The following DRD4 variants were observed in gnomAD, a reference collection of about 807,000 sequenced individuals.
DRD4 encodes the protein D(4) dopamine receptor.
DRD4 carries 26 observed loss-of-function variants against 22.1 expected under a neutral mutation model. That is an observed-to-expected ratio of 1.17 (90% CI 0.86 to 1.63). The LOEUF (loss-of-function observed/expected upper bound fraction) is 1.63. DRD4 is among the 40% of genes most tolerant of loss of function. The pLI is 0.00. For synonymous variants in DRD4, 455 were observed against 306.7 expected (o/e 1.48, Z -5.05); for missense variants, 913 against 632.4 (o/e 1.44, Z -4.76).
chr11:640,089 C>A lies in DRD4; in HGVS notation c.840C>A (p.Pro280=), dbSNP rs574074394. The A allele has an allele frequency of 9.0e-5, 99 of 1,104,038 alleles. 5 individuals are homozygous for A. Among genetic ancestry groups the A allele is most frequent in the East Asian group, 2.0e-4 (5 of 24,724 alleles). 68.4% of individuals were successfully genotyped at this position (1,104,038 alleles called of 1,614,324 possible). ...PRGPCGPDCA[P]AAPSLPQDPC... ...GTCCCTGCGGCCCCGACTGTGCGCCCGCCGCGCCCAGCCTCCCCCAGGACC... is the reference window on the plus strand; with the variant it reads ...GTCCCTGCGGCCCCGACTGTGCGCCAGCCGCGCCCAGCCTCCCCCAGGACC... Residue 280 remains proline (P), a synonymous_variant, in exon 3 of 4, where the codon CCC becomes CCA. Transcript: ENST00000176183.
intron 1 of DRD4, 169 bp from the exon 2 acceptor site, chr11:639,264 G>T: frequency 1.5e-6 from 1 of 649,710 alleles, no homozygotes; most frequent in African/African-American, 1.8e-5. Context: ...CAAAACAAAG[G>T]GAGATCTGCG....
intron 1 of DRD4, chr11:639,111 C>G: frequency 2.7e-6 from 1 of 371,698 alleles, no homozygotes; most frequent in Non-Finnish European, 5.1e-6. Context: ...ACAAATCAGC[C>G]GGGGGTGGTG....
intron 1 of DRD4, among the ~76,000 whole-genome samples, 157 bp downstream of exon 1, chr11:637,746 C>T (rs557356997): frequency 2.0e-5 from 3 of 152,240 alleles, no homozygotes; most frequent in Non-Finnish European, 2.9e-5. Context: ...GGCGATACAC[C>T]CACCGCCGCC....
chr11:640,044 CG>C lies in DRD4; in HGVS notation c.796del (p.Ala266ArgfsTer80). The C allele has an allele frequency of 5.0e-6, 6 of 1,189,416 alleles. No homozygotes were observed. The highest frequency in any genetic ancestry group is 3.9e-5 in the East Asian group (1 of 25,460). 73.7% of individuals were successfully genotyped at this position (1,189,416 alleles called of 1,614,324 possible). ...CCTGCGGCCCCGACTGTGCGCCCCC[CG>C]CGCCCGGCCTTCCCCGGGGTCCCTG... ...DPCGPDCAPP[A>X]PGLPRGPCGP... On this transcript the variant is annotated frameshift_variant, in exon 3 of 4. Coordinates refer to ENST00000176183, the MANE Select transcript of DRD4 (RefSeq NM_000797.4). LOFTEE classifies it high-confidence loss of function.
chr11:638,730 G>C (rs1332153334), intron 1 of DRD4, among the ~76,000 whole-genome samples: 1 of 152,104 alleles, frequency 6.6e-6, no homozygotes, highest in Non-Finnish European at 1.5e-5. Context: ...CTGGGGAGGG[G>C]CTCCCTTTGA....
At position 639,882 on chromosome 11, in the gene DRD4, C is replaced by T. The variant is rs1858169866; in HGVS notation, c.633C>T (p.Leu211=). Residue 211 remains leucine, a synonymous_variant, in exon 3 of 4, where the codon CTC becomes CTT. Transcript: ENST00000176183. ...FFLPCPLMLL[L]YWATFRGLQR... Reference sequence around the variant, plus strand: ...TACCCTGCCCGCTCATGCTGCTGCTCTACTGGGCCACGTTCCGCGGCCTGC... The same window carrying T: ...TACCCTGCCCGCTCATGCTGCTGCTTTACTGGGCCACGTTCCGCGGCCTGC... The T allele has an allele frequency of 1.9e-6, 3 of 1,581,924 alleles. No homozygotes were observed. The highest frequency in any genetic ancestry group is 1.4e-5 in the African/African-American group (1 of 73,168).
At chr11:639,398 T>A in intron 1 of DRD4, 35 bp from the exon 2 acceptor site, 1 of 1,553,972 alleles carries the variant, frequency 6.4e-7, no homozygotes. Flanking sequence ...CCGCGGTGGC[T>A]GGGAAACCTC....
At chr11:639,240 G>T in intron 1 of DRD4, 193 bp from the exon 2 acceptor site, 1 of 602,522 alleles carries the variant, frequency 1.7e-6, no homozygotes, top group Non-Finnish European at 3.0e-6. Context: ...CGGTGACACA[G>T]CGAGACCCTA....
intron 1 of DRD4, 60 bp from the exon 2 acceptor site, chr11:639,373 G>T: frequency 3.8e-6 from 3 of 794,766 alleles, no homozygotes; most frequent in East Asian, 3.7e-5. Context: ...AAGAGTGGGG[G>T]CGGGTCACAA....
intron 1 of DRD4, among the ~76,000 whole-genome samples, chr11:638,686 T>C (rs1858124806): frequency 6.6e-6 from 1 of 151,864 alleles, no homozygotes; most frequent in Non-Finnish European, 1.5e-5. Flanking sequence ...CCAGCTTCGC[T>C]TCTAGGCCCA....
chr11:639,743 C>A lies in DRD4; in HGVS notation c.494C>A (p.Ala165Glu). The change falls in exon 3 of 4, where the codon GCG becomes GAG. Residue 165 changes from alanine (A) to glutamate (E), a missense_variant. Coordinates refer to ENST00000176183, the MANE Select transcript of DRD4 (RefSeq NM_000797.4). ...GGCGCCACGTGGCTGCTGTCCGCGG[C>A]GGTGGCGGCGCCCGTACTGTGCGGC... ...LIGATWLLSA[A>E]VAAPVLCGLN... 6.5e-7 allele frequency: 1 copy of A among 1,535,866 alleles called. No homozygotes were observed. The highest frequency in any genetic ancestry group is 1.2e-5 in the South Asian group (1 of 84,876).
rs74991942 is a variant in DRD4 at position 640,502 on chromosome 11, T to G, written c.1159T>G (p.Trp387Gly). The change falls in exon 4 of 4, where the codon TGG becomes GGG. Residue 387 changes from tryptophan (W) to glycine (G), a missense_variant. Coordinates refer to ENST00000176183, the MANE Select transcript of DRD4 (RefSeq NM_000797.4). ...VPPRLVSAVTWLGYVNSALNP... is the reference protein window; with the variant it reads ...VPPRLVSAVTGLGYVNSALNP... Reference sequence around the variant, plus strand: ...CCCGCGGCTGGTCAGCGCCGTCACCTGGCTGGGCTACGTCAACAGCGCCCT... The same window carrying G: ...CCCGCGGCTGGTCAGCGCCGTCACCGGGCTGGGCTACGTCAACAGCGCCCT... 8.0e-4 allele frequency: 1,286 copies of G among 1,601,334 alleles called. 9 individuals are homozygous for G. In the African/African-American group the frequency reaches 0.016, roughly 19 times the overall value.
At position 638,290 on chromosome 11, in the gene DRD4, C is replaced by A. The variant is rs1004060100; in HGVS notation, c.285+701C>A. Among the ~76,000 whole-genome samples, 6 of 152,286 alleles carry A rather than the reference C, an allele frequency of 3.9e-5. No homozygotes were observed. In the South Asian group the frequency reaches 1.2e-3, roughly 32 times the overall value. On this transcript the variant is annotated intron_variant, in intron 1 of 3. Coordinates refer to ENST00000176183, the MANE Select transcript of DRD4 (RefSeq NM_000797.4). ...AGGGCTGAGCTGGAGACGCGGTGTC[C>A]CCGACTGTGGGGGAGGGGGACTCGA...
At chr11:638,852 T>C (rs1448301829) in intron 1 of DRD4, among the ~76,000 whole-genome samples, 1 of 152,120 alleles carries the variant, frequency 6.6e-6, no homozygotes, top group East Asian at 1.9e-4. Context: ...TCCCAGGACT[T>C]TGGGAGGCAA....
At chr11:638,659 C>T (rs1346237001) in intron 1 of DRD4, among the ~76,000 whole-genome samples, 1 of 152,190 alleles carries the variant, frequency 6.6e-6, no homozygotes, top group East Asian at 1.9e-4. Context: ...CCACAGAGAA[C>T]TTAGCCAACA....
Position 640,508 on chromosome 11 carries a change from G to C in DRD4, c.1165G>C (p.Gly389Arg). 1 of 1,601,788 alleles carries C rather than the reference G, an allele frequency of 6.2e-7. No individual in the cohort carries two copies. The highest frequency in any genetic ancestry group is 8.5e-7 in the Non-Finnish European group (1 of 1,179,832). ...PRLVSAVTWL[G>R]YVNSALNPVI... ...GCTGGTCAGCGCCGTCACCTGGCTG[G>C]GCTACGTCAACAGCGCCCTCAACCC... The change falls in exon 4 of 4, where the codon GGC (glycine) becomes CGC (arginine). Residue 389 changes from glycine (G) to arginine (R), a missense_variant. Gly to Arg is a moderately radical substitution (Grantham distance 125). Coordinates refer to ENST00000176183, the MANE Select transcript of DRD4 (RefSeq NM_000797.4).
chr11:639,381 C>A, intron 1 of DRD4, 52 bp from the exon 2 acceptor site: 3 of 1,514,622 alleles, frequency 2.0e-6, no homozygotes, highest in Non-Finnish European at 2.7e-6. Context: ...GGGCGGGTCA[C>A]AAGGGCCCGC....
rs766013337 is a variant in DRD4, at chr11:640,238, G to C, written c.989G>C (p.Arg330Pro). 6.5e-7 allele frequency: 1 copy of C among 1,533,044 alleles called. No homozygotes were observed. Among genetic ancestry groups the C allele is most frequent in the African/African-American group, 1.4e-5 (1 of 72,998 alleles). The allele number at this position is 1,533,044 out of a possible 1,614,324, so 95.0% of individuals were successfully genotyped here. A position where few individuals can be genotyped will look rare whatever the true frequency, so the allele number is the denominator to read the frequency against. Residue 330 changes from arginine (R) to proline (P), a missense_variant, in exon 3 of 4, where the codon CGC becomes CCC. Transcript: ENST00000176183. ...CCACCCCAGACTCCACCGCAGACCC[G>C]CAGGAGGCGGCGTGCCAAGATCACC... is the stretch of plus-strand genomic sequence containing the variant. ...ALPPQTPPQT[R>P]RRRRAKITGR...
At chr11:639,568 G>A (rs1048326113) in intron 2 of DRD4, 23 bp downstream of exon 2, 40 of 1,401,580 alleles carry the variant, frequency 2.9e-5, no homozygotes, top group Non-Finnish European at 3.6e-5. Context: ...CCCCGCCCGC[G>A]CCCCGGCGCC....
Sources: allele counts gnomAD v4.1 joint callset (sites outside exome capture counted in the v4.1 genomes callset), GRCh38; gene constraint gnomAD v4.1.1; transcripts MANE v1.5; gene names NCBI Gene and HGNC (gene_info 2026-07-23, HGNC 2026-07-21).